The following ZMYND11 variants were observed in gnomAD, a reference collection of about 807,000 sequenced individuals.
ZMYND11 encodes the protein zinc finger MYND-type containing 11.
A neutral mutation model predicts 84.9 loss-of-function variants in ZMYND11; 9 were observed. That is an observed-to-expected ratio of 0.11 (90% confidence interval 0.06 to 0.18). The LOEUF is 0.18. ZMYND11 is among the 10% of genes least tolerant of loss of function. ZMYND11 has a pLI of 1.00. For synonymous variants in ZMYND11, 250 were observed against 244.1 expected, an observed-to-expected ratio of 1.02 and a Z score of -0.23; for missense variants, 409 against 761.0, an observed-to-expected ratio of 0.54 and a Z score of 5.44.
intron 3 of ZMYND11, among the ~76,000 whole-genome samples, chr10:215,048 G>C (rs76293955): frequency 0.02 from 3,089 of 152,242 alleles, 100 homozygotes; most frequent in African/African-American, 0.07. Context: ...AAATAATGTC[G>C]TTTGCAATTG....
At chr10:153,429 G>A (rs2131356627) in intron 1 of ZMYND11, among the ~76,000 whole-genome samples, 1 of 152,292 alleles carries the variant, frequency 6.6e-6, no homozygotes, top group East Asian at 1.9e-4. Flanking sequence ...GCAGATGACA[G>A]GATCACAGTA....
intron 4 of ZMYND11, among the ~76,000 whole-genome samples, chr10:221,775 C>T (rs1947177666): frequency 6.6e-6 from 1 of 151,894 alleles, no homozygotes; most frequent in African/African-American, 2.4e-5. Context: ...ATTTTATATC[C>T]ATGTAATGTT....
chr10:245,405 C>T (rs1208246457), intron 10 of ZMYND11, among the ~76,000 whole-genome samples: 5 of 152,256 alleles, frequency 3.3e-5, no homozygotes, highest in Admixed American at 6.5e-5. Context: ...TAAGAGATTC[C>T]TTCCAACAGT....
intron 3 of ZMYND11, among the ~76,000 whole-genome samples, chr10:216,018 G>C (rs751462178): frequency 2.6e-5 from 4 of 152,108 alleles, no homozygotes; most frequent in Non-Finnish European, 5.9e-5. Context: ...AATTTACAGA[G>C]GGGCAAGATA....
intron 14 of ZMYND11, among the ~76,000 whole-genome samples, chr10:250,342 CA>C (rs1350028983): frequency 1.3e-5 from 2 of 152,168 alleles, no homozygotes; most frequent in South Asian, 2.1e-4. Flanking sequence ...GCACAACACC[CA>C]AAGACGCCAG....
chr10:219,303 TA>T (rs1174897641), intron 3 of ZMYND11, among the ~76,000 whole-genome samples: 5 of 152,202 alleles, frequency 3.3e-5, no homozygotes, highest in Non-Finnish European at 7.4e-5. Context: ...ACTACTATAA[TA>T]TTTTGCCCAG....
At chr10:204,797 T>C (rs1251886277) in intron 2 of ZMYND11, among the ~76,000 whole-genome samples, 1 of 152,088 alleles carries the variant, frequency 6.6e-6, no homozygotes, top group Admixed American at 6.5e-5. Flanking sequence ...TAAACTATAT[T>C]TTTAAATGTC....
At chr10:195,069 A>AC (rs1156408253) in intron 2 of ZMYND11, among the ~76,000 whole-genome samples, 2 of 152,258 alleles carry the variant, frequency 1.3e-5, no homozygotes, top group Non-Finnish European at 2.9e-5. Flanking sequence ...CATCGTGTAT[A>AC]CAGATGTGGT....
chr10:221,153 T>C, intron 3 of ZMYND11, 42 bp from the exon 4 acceptor site: 1 of 1,580,750 alleles, frequency 6.3e-7, no homozygotes, highest in South Asian at 1.1e-5. Context: ...ATTGCAGATA[T>C]TGACAAAATG....
intron 2 of ZMYND11, among the ~76,000 whole-genome samples, chr10:198,738 T>C (rs1331384607): frequency 1.3e-5 from 2 of 152,210 alleles, no homozygotes; most frequent in African/African-American, 4.8e-5. Context: ...TACATACAAA[T>C]AGGTACTTGC....
At chr10:174,206 T>G (rs1846029311) in intron 1 of ZMYND11, among the ~76,000 whole-genome samples, 1 of 152,214 alleles carries the variant, frequency 6.6e-6, no homozygotes, top group Non-Finnish European at 1.5e-5. Flanking sequence ...AGTGGAATGT[T>G]ATTCAGTACT....
At chr10:187,751 G>A (rs1939143421) in intron 2 of ZMYND11, among the ~76,000 whole-genome samples, 1 of 152,148 alleles carries the variant, frequency 6.6e-6, no homozygotes, top group Admixed American at 6.5e-5. Context: ...GGTTAAGTCT[G>A]ATTTTTGATT....
chr10:140,972 T>G (rs1417611213), intron 1 of ZMYND11, among the ~76,000 whole-genome samples: 1 of 152,238 alleles, frequency 6.6e-6, no homozygotes, highest in African/African-American at 2.4e-5. Context: ...ATCAGAGTTT[T>G]AAAGGAATCA....
At position 140,100 on chromosome 10, in the gene ZMYND11, G is replaced by GAC. The variant is rs145686950; in HGVS notation, c.-20+4557_-20+4558dup. Among the ~76,000 whole-genome samples, 144 of 150,908 alleles carry GAC rather than the reference G, an allele frequency of 9.5e-4. 1 individual carries two copies. The highest frequency in any genetic ancestry group is 2.5e-3 in the East Asian group (13 of 5,162). On this transcript the variant is annotated intron_variant, in intron 1 of 14. Coordinates refer to ENST00000381604, the MANE Select transcript of ZMYND11 (RefSeq NM_001370100.5). The stretch of plus-strand genomic sequence containing the variant: ...ACTCTTATAATTGCATCCTATCCCA[G>GAC]ACACACACACACACACATACACACG...
At chr10:221,529 G>A (rs1004369656) in intron 4 of ZMYND11, among the ~76,000 whole-genome samples, 173 bp downstream of exon 4, 11 of 152,154 alleles carry the variant, frequency 7.2e-5, no homozygotes, top group Non-Finnish European at 1.3e-4. Context: ...CACATACACC[G>A]TATTTCAGGG....
chr10:172,719 T>C (rs1554766010), intron 1 of ZMYND11, among the ~76,000 whole-genome samples: 1 of 152,200 alleles, frequency 6.6e-6, no homozygotes. Context: ...TCCCAGCAAG[T>C]TATTTCATGG....
At chr10:177,198 G>A (rs550968322) in intron 1 of ZMYND11, among the ~76,000 whole-genome samples, 2 of 152,300 alleles carry the variant, frequency 1.3e-5, no homozygotes, top group South Asian at 2.1e-4. Context: ...GATTTCATAA[G>A]AAAGGATAAT....
rs1490866979 is a variant in ZMYND11, at chr10:225,095, ATAGT to A, written c.438+3740_438+3743del. ...AAAAGAAATACCTTTAAAACACAAT[ATAGT>A]CCATTGCATTTTTTAAAGATAGAAA... On this transcript the variant is annotated intron_variant, in intron 4 of 14. Coordinates refer to ENST00000381604, the MANE Select transcript of ZMYND11 (RefSeq NM_001370100.5). 9.2e-5 allele frequency among the ~76,000 whole-genome samples: 14 copies of A among 152,358 alleles called. No individual in the cohort carries two copies. The East Asian group carries it at 2.3e-3, about 25-fold the overall frequency.
intron 2 of ZMYND11, among the ~76,000 whole-genome samples, chr10:194,615 G>A (rs371882495): frequency 6.6e-6 from 1 of 152,032 alleles, no homozygotes; most frequent in African/African-American, 2.4e-5. Flanking sequence ...GAGTCATTCC[G>A]CTCGATTTAT....
Sources: allele counts gnomAD v4.1 joint callset (sites outside exome capture counted in the v4.1 genomes callset), GRCh38; gene constraint gnomAD v4.1.1; transcripts MANE v1.5; gene names NCBI Gene and HGNC (gene_info 2026-07-23, HGNC 2026-07-21).